Variants in SLC16A3 observed in about 807,000 individuals in gnomAD.
SLC16A3 encodes the protein solute carrier family 16 member 3.
In SLC16A3, 22 loss-of-function variants were observed where a neutral mutation model predicts 25.0. The observed-to-expected ratio is 0.88, with a 90% confidence interval of 0.63 to 1.26. The LOEUF is 1.26. SLC16A3 is among the 50% of genes most tolerant of loss of function. The pLI, the probability that SLC16A3 is intolerant of heterozygous loss-of-function variation, is 0.00. For synonymous variants in SLC16A3, 390 were observed against 309.2 expected (o/e 1.26, Z -2.74); for missense variants, 731 against 666.6 (o/e 1.10, Z -1.06).
rs538246590 is a variant in SLC16A3 at position 82,236,224 on chromosome 17, C to T, written c.216C>T (p.Tyr72=). Residue 72 remains tyrosine (Y), a synonymous_variant, in exon 2 of 5, where the codon TAC becomes TAT. Coordinates refer to ENST00000582743, the MANE Select transcript of SLC16A3 (RefSeq NM_004207.4). ...CCTCCATCCTGCTGGCCATGCTCTA[C>T]GGGACAGGTGAGGGTGGCCTCACAC... is the stretch of plus-strand genomic sequence containing the variant. The part of the protein sequence containing the change: ...WISSILLAML[Y]GTGPLCSVCV... 2.8e-5 allele frequency: 45 copies of T among 1,612,768 alleles called. No individual in the cohort carries two copies. The highest frequency in any genetic ancestry group is 5.3e-5 in the African/African-American group (4 of 75,074).
chr17:82,239,030 T>C lies in SLC16A3; in HGVS notation c.*54T>C. The C allele has an allele frequency of 6.8e-7, 1 of 1,470,520 alleles. No individual in the cohort carries two copies. The highest frequency in any genetic ancestry group is 9.0e-7 in the Non-Finnish European group (1 of 1,105,228). 91.1% of individuals were successfully genotyped at this position (1,470,520 alleles called of 1,614,324 possible). On this transcript the variant is annotated 3_prime_UTR_variant, in exon 5 of 5. Transcript: ENST00000582743. The stretch of plus-strand genomic sequence containing the variant: ...GAGGAGGTACAGAAGCCGGCAACGC[T>C]TGCTATTTATTTTACAAACTGGACT...
chr17:82,227,460 G>A (rs543721744), upstream of SLC16A3, among the ~76,000 whole-genome samples: 2 of 152,148 alleles, frequency 1.3e-5, no homozygotes, highest in East Asian at 3.9e-4. Context: ...TCGCCTCCCC[G>A]GCAGGCAATA....
At position 82,237,692 on chromosome 17, in the gene SLC16A3, G is replaced by A. The variant is rs537240918; in HGVS notation, c.922G>A (p.Ala308Thr). 2.8e-5 allele frequency: 45 copies of A among 1,612,742 alleles called. No homozygotes were observed. The East Asian group carries it at 6.2e-4, about 22-fold the overall frequency. Reference sequence around the variant, plus strand: ...CTTCTCCATGTTCTTCAACGGCCTCGCGGACCTGGCGGGTTCTACGGCGGG... The same window carrying A: ...CTTCTCCATGTTCTTCAACGGCCTCACGGACCTGGCGGGTTCTACGGCGGG... ...FSFSMFFNGL[A>T]DLAGSTAGDY... The change falls in exon 4 of 5, where the codon GCG becomes ACG. Residue 308 changes from alanine to threonine, a missense_variant. By Grantham distance (58) the Ala-to-Thr change is moderately conservative. Coordinates refer to ENST00000582743, the MANE Select transcript of SLC16A3 (RefSeq NM_004207.4).
intron 1 of SLC16A3, among the ~76,000 whole-genome samples, chr17:82,221,104 C>G (rs1021109066): frequency 6.6e-6 from 1 of 151,990 alleles, no homozygotes; most frequent in Non-Finnish European, 1.5e-5. Flanking sequence ...CAGGTGTGAG[C>G]CACTGTGCCT....
chr17:82,220,948 C>T (rs889734185), intron 1 of SLC16A3, among the ~76,000 whole-genome samples: 4 of 152,038 alleles, frequency 2.6e-5, no homozygotes, highest in African/African-American at 9.7e-5. Flanking sequence ...CTCAGCTTCC[C>T]GAGTAGCTGG....
chr17:82,227,634 GCGGGAGCACCACCTGCCC>G (rs1568531597), upstream of SLC16A3, among the ~76,000 whole-genome samples: 967 of 124,490 alleles, frequency 7.8e-3, 59 homozygotes, highest in African/African-American at 0.022. Flanking sequence ...CCTGCCCTGG[GCGGGAGCACCACCTGCCC>G]TGGGCGGGAG....
At position 82,237,312 on chromosome 17, in the gene SLC16A3, T is replaced by C; in HGVS notation, c.542T>C (p.Leu181Pro). 1 of 1,549,676 alleles carries C rather than the reference T, an allele frequency of 6.5e-7. No individual in the cohort carries two copies. Among genetic ancestry groups the C allele is most frequent in the Non-Finnish European group, 8.7e-7 (1 of 1,146,860 alleles). The change falls in exon 4 of 5, where the codon CTC becomes CCC. Residue 181 changes from leucine to proline, a missense_variant. By Grantham distance (98) the Leu-to-Pro change is moderately conservative. Transcript: ENST00000582743. Reference sequence around the variant, plus strand: ...CGCTACGGCTGGCGGGGCGGCTTCCTCATCCTGGGCGGCCTGCTGCTCAAC... The same window carrying C: ...CGCTACGGCTGGCGGGGCGGCTTCCCCATCCTGGGCGGCCTGCTGCTCAAC... ...QDRYGWRGGFLILGGLLLNCC... is the reference protein window; with the variant it reads ...QDRYGWRGGFPILGGLLLNCC...
chr17:82,235,807 CT>C lies in SLC16A3; in HGVS notation c.-26-175del, dbSNP rs369240892. The C allele has an allele frequency of 1.3e-3, 777 of 600,618 alleles. 2 individuals carry two copies. The highest frequency in any genetic ancestry group is 0.012 in the African/African-American group (629 of 53,916). 37.2% of individuals were successfully genotyped at this position (600,618 alleles called of 1,614,324 possible). A position where few individuals can be genotyped will look rare whatever the true frequency, so the allele number is the denominator to read the frequency against. On this transcript the variant is annotated intron_variant, in intron 1 of 4. Coordinates refer to ENST00000582743, the MANE Select transcript of SLC16A3 (RefSeq NM_004207.4). Reference sequence around the variant, plus strand: ...GGGAGTGGGACCCACAGCTGCTAGCCTCCCTCCAAACCCTCCTGCCTCCACC... The same window carrying C: ...GGGAGTGGGACCCACAGCTGCTAGCCCCCTCCAAACCCTCCTGCCTCCACC...
chr17:82,231,943 ACAC>A (rs996420185), intron 1 of SLC16A3: 4 of 152,320 alleles, frequency 2.6e-5, no homozygotes, highest in African/African-American at 9.6e-5. Flanking sequence ...CTCGGCCCCG[ACAC>A]CTTTGCAGGC....
At chr17:82,227,690 C>CCT (rs2050435398), upstream of SLC16A3, among the ~76,000 whole-genome samples, 1 of 149,018 alleles carries the variant, frequency 6.7e-6, no homozygotes, top group African/African-American at 2.5e-5. Context: ...GGGAGCAGCA[C>CCT]GGGCCAACTA....
intron 1 of SLC16A3, among the ~76,000 whole-genome samples, chr17:82,218,594 G>A (rs1197504434): frequency 6.6e-6 from 1 of 152,204 alleles, no homozygotes; most frequent in Non-Finnish European, 1.5e-5. Context: ...GTGTGTGCAG[G>A]TGGAGCTTGG....
intron 1 of SLC16A3, among the ~76,000 whole-genome samples, chr17:82,218,749 G>A (rs986961646): frequency 3.3e-5 from 5 of 152,202 alleles, no homozygotes; most frequent in South Asian, 4.1e-4. Flanking sequence ...GGTACCCTCC[G>A]GCTGTGCGTG....
chr17:82,238,140 G>C (rs961605680), intron 4 of SLC16A3, among the ~76,000 whole-genome samples: 2 of 152,188 alleles, frequency 1.3e-5, no homozygotes, highest in African/African-American at 4.8e-5. Flanking sequence ...CCCGGGGGGG[G>C]GCAGCTCCTC....
chr17:82,218,453 G>A (rs963023715), intron 1 of SLC16A3, among the ~76,000 whole-genome samples: 4 of 148,940 alleles, frequency 2.7e-5, no homozygotes, highest in African/African-American at 5.0e-5. Flanking sequence ...GCCCAGCCTC[G>A]GTCACTGCGG....
intron 1 of SLC16A3, chr17:82,231,964 G>T (rs2050503437): frequency 6.6e-6 from 1 of 152,342 alleles, no homozygotes; most frequent in African/African-American, 2.4e-5. Flanking sequence ...GGCGCCTGGG[G>T]CGGGGCTGCC....
rs147536424 is a variant in SLC16A3, at chr17:82,237,767, G to A, written c.997G>A (p.Gly333Ser). 48 of 1,611,924 alleles carry A rather than the reference G, an allele frequency of 3.0e-5. No individual in the cohort carries two copies. The highest frequency in any genetic ancestry group is 3.6e-5 in the Non-Finnish European group (43 of 1,179,964). ...VFCIFFGISYGMVGALQFEVL... is the reference protein window; with the variant it reads ...VFCIFFGISYSMVGALQFEVL... ...CTGCATCTTCTTTGGCATCTCCTAC[G>A]GCATGGTGGGGGCCCTGCAGTTCGA... Residue 333 changes from glycine to serine, a missense_variant, in exon 4 of 5, where the codon GGC (glycine) becomes AGC (serine). Physicochemically the swap from Gly to Ser is moderately conservative, Grantham distance 56. Coordinates refer to ENST00000582743, the MANE Select transcript of SLC16A3 (RefSeq NM_004207.4).
chr17:82,238,831 A>G lies in SLC16A3; in HGVS notation c.1253A>G (p.Gln418Arg). ...FCIRKKPKEP[Q>R]PEVAAAEEEK... is the part of the protein sequence containing the mutation. ...ATTAGGAAGAAGCCCAAAGAGCCAC[A>G]GCCTGAGGTGGCGGCCGCGGAGGAG... Residue 418 changes from glutamine to arginine, a missense_variant, in exon 5 of 5, where the codon CAG becomes CGG. Gln to Arg is a conservative substitution (Grantham distance 43). Coordinates refer to ENST00000582743, the MANE Select transcript of SLC16A3 (RefSeq NM_004207.4). 2.5e-6 allele frequency: 4 copies of G among 1,612,744 alleles called. No homozygotes were observed. The highest frequency in any genetic ancestry group is 2.5e-6 in the Non-Finnish European group (3 of 1,179,804).
intron 1 of SLC16A3, chr17:82,234,656 G>T (rs1169286427): frequency 6.6e-6 from 1 of 152,548 alleles, no homozygotes; most frequent in Non-Finnish European, 1.5e-5. Flanking sequence ...TGGATGCGGG[G>T]AGGGCCCGGG....
Position 82,235,895 on chromosome 17 carries a change from C to A in SLC16A3, c.-26-88C>A, listed in dbSNP as rs560756200. ...GGCAGCTGCCCCTCAGCTGAGCTGC[C>A]GGGCCACCCAGCTCGTGTCCCTCCC... On this transcript the variant is annotated intron_variant, in intron 1 of 4. Coordinates refer to ENST00000582743, the MANE Select transcript of SLC16A3 (RefSeq NM_004207.4). 8 of 868,406 alleles carry A rather than the reference C, an allele frequency of 9.2e-6. No individual in the cohort carries two copies. In the East Asian group the frequency reaches 2.1e-4, roughly 23 times the overall value. 53.8% of individuals were successfully genotyped at this position (868,406 alleles called of 1,614,324 possible).
Sources: allele counts gnomAD v4.1 joint callset (sites outside exome capture counted in the v4.1 genomes callset), GRCh38; gene constraint gnomAD v4.1.1; transcripts MANE v1.5; gene names NCBI Gene and HGNC (gene_info 2026-07-23, HGNC 2026-07-21).